The following REEP1 variants were observed in gnomAD, a reference collection of about 807,000 sequenced individuals.
REEP1 encodes the protein receptor accessory protein 1.
REEP1 carries 22 observed loss-of-function variants against 40.3 expected under a neutral mutation model. The ratio of observed to expected loss-of-function variants is 0.55; its 90% CI spans 0.39 to 0.78. REEP1 has a LOEUF of 0.78. Among genes scored for constraint, REEP1 ranks in the 30% least tolerant of loss-of-function variants. REEP1 has a pLI of 0.00. For missense variants in REEP1, 280 were observed against 361.1 expected (o/e 0.78, Z 1.82); for synonymous variants, 116 against 139.2 (o/e 0.83, Z 1.17).
At chr2:86,226,440 G>T (rs12622715) in intron 7 of REEP1, among the ~76,000 whole-genome samples, 12,225 of 67,110 alleles carry the variant, frequency 0.18, 999 homozygotes, top group African/African-American at 0.27. Context: ...GCACAAGGAA[G>T]TATGACCCTG....
chr2:86,314,921 G>A (rs1679925289), intron 1 of REEP1, among the ~76,000 whole-genome samples: 1 of 151,894 alleles, frequency 6.6e-6, no homozygotes, highest in African/African-American at 2.4e-5. Context: ...TCAAACTCCT[G>A]AACTCAAGCT....
chr2:86,296,513 G>A (rs1157597973), intron 1 of REEP1, among the ~76,000 whole-genome samples: 1 of 152,206 alleles, frequency 6.6e-6, no homozygotes, highest in Non-Finnish European at 1.5e-5. Context: ...ACAAGTCCTT[G>A]GCTTTGCTGA....
intron 5 of REEP1, among the ~76,000 whole-genome samples, chr2:86,249,759 T>C (rs965848429): frequency 6.6e-6 from 1 of 151,922 alleles, no homozygotes; most frequent in African/African-American, 2.4e-5. Context: ...ACACCTCAGC[T>C]AGATTGGATT....
chr2:86,301,591 T>C (rs1387434548), intron 1 of REEP1, among the ~76,000 whole-genome samples: 1 of 152,252 alleles, frequency 6.6e-6, no homozygotes, highest in Non-Finnish European at 1.5e-5. Flanking sequence ...CATGTTTATA[T>C]TAAACTCTTT....
At chr2:86,321,508 T>C (rs181094395) in intron 1 of REEP1, among the ~76,000 whole-genome samples, 55 of 151,996 alleles carry the variant, frequency 3.6e-4, no homozygotes, top group Non-Finnish European at 6.6e-4. Flanking sequence ...CATACAAAAA[T>C]AACATAGCCA....
At chr2:86,254,563 T>C (rs990208008) in intron 4 of REEP1, 131 bp downstream of exon 4, 1 of 901,998 alleles carries the variant, frequency 1.1e-6, no homozygotes, top group Admixed American at 2.1e-5. Context: ...AAAAAACGAT[T>C]AGGAGGAATG....
intron 1 of REEP1, among the ~76,000 whole-genome samples, chr2:86,318,075 CA>C (rs1409108044): frequency 4.6e-5 from 7 of 152,078 alleles, no homozygotes; most frequent in Non-Finnish European, 8.8e-5. Flanking sequence ...AACAGTATCC[CA>C]ATACTTGAAG....
chr2:86,317,937 T>C (rs1680096154), intron 1 of REEP1, among the ~76,000 whole-genome samples: 1 of 152,196 alleles, frequency 6.6e-6, no homozygotes, highest in Non-Finnish European at 1.5e-5. Context: ...CCTGGGTATC[T>C]TGTAATCCTT....
chr2:86,283,097 C>T (rs1446974529), intron 1 of REEP1, among the ~76,000 whole-genome samples: 1 of 152,160 alleles, frequency 6.6e-6, no homozygotes, highest in African/African-American at 2.4e-5. Context: ...TAGCTCAAAC[C>T]TCCCCACTAC....
intron 7 of REEP1, among the ~76,000 whole-genome samples, chr2:86,222,323 T>G (rs1035028943): frequency 3.3e-5 from 5 of 152,128 alleles, no homozygotes; most frequent in Non-Finnish European, 7.3e-5. Flanking sequence ...TAGAAACAAG[T>G]GCTCAGCTCA....
At chr2:86,230,990 T>A (rs1674979529) in intron 6 of REEP1, among the ~76,000 whole-genome samples, 2 of 152,306 alleles carry the variant, frequency 1.3e-5, no homozygotes, top group Admixed American at 1.3e-4. Context: ...GTATCCCTAT[T>A]TCTGGGGCAG....
At chr2:86,304,061 C>T (rs532038240) in intron 1 of REEP1, among the ~76,000 whole-genome samples, 115 of 152,188 alleles carry the variant, frequency 7.6e-4, no homozygotes, top group African/African-American at 2.6e-3. Flanking sequence ...AATGAATGTA[C>T]GAGTGGTGAA....
At chr2:86,269,224 G>C (rs1464596083) in intron 2 of REEP1, among the ~76,000 whole-genome samples, 1 of 152,144 alleles carries the variant, frequency 6.6e-6, no homozygotes, top group Non-Finnish European at 1.5e-5. Flanking sequence ...TAGAACACTT[G>C]TTCTATTTTA....
chr2:86,217,124 CAGAA>C lies in REEP1; in HGVS notation c.784-18_784-15del, dbSNP rs760605373. 426 of 1,610,410 alleles carry C rather than the reference CAGAA, an allele frequency of 2.6e-4. 1 individual carries two copies. The African/African-American group carries it at 5.3e-3, about 20-fold the overall frequency. ...TCTAGGCGGTGCCTGGTAGAGAAAA[CAGAA>C]AGGTGTCCCTCAGTTTGGTGTAAAT... On this transcript the variant is annotated splice_polypyrimidine_tract_variant and intron_variant, in intron 8 of 8. Transcript: ENST00000538924.
chr2:86,283,682 C>A (rs562505328), intron 1 of REEP1, among the ~76,000 whole-genome samples: 1 of 152,322 alleles, frequency 6.6e-6, no homozygotes, highest in South Asian at 2.1e-4. Flanking sequence ...AGGGAGAGGG[C>A]TGTTAACTCT....
At chr2:86,275,906 T>C (rs1004038154) in intron 2 of REEP1, among the ~76,000 whole-genome samples, 1 of 152,176 alleles carries the variant, frequency 6.6e-6, no homozygotes, top group African/African-American at 2.4e-5. Flanking sequence ...GAGACTCCTG[T>C]TGAGGTGGTC....
intron 1 of REEP1, among the ~76,000 whole-genome samples, chr2:86,319,438 C>T (rs7564236): frequency 0.03 from 3,260 of 109,432 alleles, 127 homozygotes; most frequent in African/African-American, 0.12. Flanking sequence ...AGGGTCTTGG[C>T]GGGGCAGAGT....
chr2:86,228,519 C>A (rs567392635), intron 6 of REEP1, among the ~76,000 whole-genome samples: 2 of 151,332 alleles, frequency 1.3e-5, no homozygotes, highest in South Asian at 4.2e-4. Flanking sequence ...AGTGCAATGG[C>A]ATGATCTCAG....
intron 1 of REEP1, among the ~76,000 whole-genome samples, chr2:86,295,548 G>C (rs754516373): frequency 3.3e-5 from 5 of 152,196 alleles, no homozygotes; most frequent in Admixed American, 6.5e-5. Flanking sequence ...GTTTTGAGAC[G>C]GAGTCTTGCT....
Sources: allele counts gnomAD v4.1 joint callset (sites outside exome capture counted in the v4.1 genomes callset), GRCh38; gene constraint gnomAD v4.1.1; transcripts MANE v1.5; gene names NCBI Gene and HGNC (gene_info 2026-07-23, HGNC 2026-07-21).